The following TMEM117 variants were observed in gnomAD, a reference collection of about 807,000 sequenced individuals.
TMEM117 encodes transmembrane protein 117.
Under a neutral mutation model 52.4 loss-of-function variants are expected in TMEM117, and 27 were observed. The ratio of observed to expected loss-of-function variants is 0.51; its 90% CI spans 0.38 to 0.71. The LOEUF (loss-of-function observed/expected upper bound fraction) is 0.71, where lower values mean the gene tolerates loss of function less well. Among genes scored for constraint, TMEM117 ranks in the 30% least tolerant of loss-of-function variants. TMEM117 has a pLI of 0.00. For missense variants in TMEM117, 556 were observed against 630.5 expected, an observed-to-expected ratio of 0.88 and a Z score of 1.26; for synonymous variants, 215 against 206.3, an observed-to-expected ratio of 1.04 and a Z score of -0.36.
chr12:44,320,462 G>A (rs1361570096), intron 6 of TMEM117, among the ~76,000 whole-genome samples: 1 of 151,976 alleles, frequency 6.6e-6, no homozygotes, highest in African/African-American at 2.4e-5. Flanking sequence ...TCTATACAAG[G>A]CCTTTTATCA....
chr12:43,829,042 C>T, the TMEM117 span, among the ~76,000 whole-genome samples: 1 of 152,152 alleles, frequency 6.6e-6, no homozygotes, highest in Non-Finnish European at 1.5e-5. Context: ...CTGCCTCAGC[C>T]TCCTAAGTAG....
chr12:44,150,570 A>G (rs564838745), intron 4 of TMEM117, among the ~76,000 whole-genome samples: 65 of 152,342 alleles, frequency 4.3e-4, no homozygotes, highest in Non-Finnish European at 7.3e-4. Flanking sequence ...AGCAAAGAGC[A>G]TAAAAGGGAA....
chr12:44,166,990 A>C (rs1459139482), intron 4 of TMEM117, among the ~76,000 whole-genome samples: 2 of 152,176 alleles, frequency 1.3e-5, no homozygotes, highest in Admixed American at 1.3e-4. Context: ...TTTTGCAATA[A>C]TTTGTCAAAT....
At chr12:44,243,078 C>T (rs1253239284) in intron 5 of TMEM117, among the ~76,000 whole-genome samples, 1 of 151,840 alleles carries the variant, frequency 6.6e-6, no homozygotes, top group African/African-American at 2.4e-5. Context: ...TGTTCATGTC[C>T]TTTGCCCACT....
chr12:43,900,902 A>G (rs535929309), intron 2 of TMEM117, among the ~76,000 whole-genome samples: 17 of 152,180 alleles, frequency 1.1e-4, no homozygotes, highest in Non-Finnish European at 2.2e-4. Context: ...AAAATCACCT[A>G]CTATTCGAAG....
intron 3 of TMEM117, among the ~76,000 whole-genome samples, chr12:44,127,962 T>C (rs1948353738): frequency 6.6e-6 from 1 of 152,250 alleles, no homozygotes; most frequent in African/African-American, 2.4e-5. Context: ...TCTGTTTCTC[T>C]GGAGAACTCT....
At chr12:44,062,439 G>T (rs892929995) in intron 3 of TMEM117, among the ~76,000 whole-genome samples, 5 of 152,158 alleles carry the variant, frequency 3.3e-5, no homozygotes, top group Non-Finnish European at 7.4e-5. Context: ...ATATAGATGT[G>T]CATACCGTCT....
rs78688551 is a variant in TMEM117 at position 43,964,728 on chromosome 12, A to C, written c.410+20386A>C. On this transcript the variant is annotated intron_variant, in intron 3 of 7. Transcript: ENST00000266534. ...TTAGACATTGGACTGACTGGTGGCT[A>C]CTACGCTCTGGTTGGGTTCTTATCT... Among the ~76,000 whole-genome samples the C allele has an allele frequency of 5.2e-3, 795 of 152,346 alleles. 4 individuals are homozygous for C. Among genetic ancestry groups the C allele is most frequent in the Middle Eastern group, 0.017 (5 of 294 alleles).
intron 3 of TMEM117, among the ~76,000 whole-genome samples, chr12:44,082,709 C>T (rs982591678): frequency 6.6e-6 from 1 of 151,992 alleles, no homozygotes; most frequent in African/African-American, 2.4e-5. Context: ...ATTCATGCAA[C>T]ATGAAAGTAT....
At chr12:44,129,748 T>G (rs1008436646) in intron 3 of TMEM117, among the ~76,000 whole-genome samples, 1 of 152,172 alleles carries the variant, frequency 6.6e-6, no homozygotes, top group Non-Finnish European at 1.5e-5. Context: ...CCAAGAAGCT[T>G]AGTCAGTTAG....
At chr12:44,369,196 T>C (rs775158709) in intron 6 of TMEM117, among the ~76,000 whole-genome samples, 12 of 152,218 alleles carry the variant, frequency 7.9e-5, no homozygotes, top group Admixed American at 6.5e-4. Context: ...GACTGACTTA[T>C]ATTTTGTCCT....
chr12:43,866,817 G>A (rs1347449789), intron 2 of TMEM117, among the ~76,000 whole-genome samples: 8 of 152,142 alleles, frequency 5.3e-5, no homozygotes, highest in African/African-American at 7.2e-5. Flanking sequence ...TTAGGTTGGC[G>A]CGGTGGCTTA....
intron 3 of TMEM117, among the ~76,000 whole-genome samples, chr12:44,029,793 C>T (rs914836042): frequency 6.6e-6 from 1 of 152,170 alleles, no homozygotes; most frequent in Non-Finnish European, 1.5e-5. Flanking sequence ...GCTTAGGACA[C>T]CTGTAAGCCC....
At chr12:44,161,132 T>G (rs1046462532) in intron 4 of TMEM117, among the ~76,000 whole-genome samples, 1 of 152,186 alleles carries the variant, frequency 6.6e-6, no homozygotes, top group African/African-American at 2.4e-5. Context: ...GACATCAAAA[T>G]ACATATTTCT....
intron 4 of TMEM117, among the ~76,000 whole-genome samples, chr12:44,155,994 A>G (rs780440179): frequency 3.4e-4 from 52 of 152,182 alleles, no homozygotes; most frequent in Admixed American, 7.9e-4. Flanking sequence ...TCTGTCCACT[A>G]AAATTCAGGG....
At chr12:43,864,119 C>G (rs1213955898) in intron 2 of TMEM117, among the ~76,000 whole-genome samples, 2 of 152,192 alleles carry the variant, frequency 1.3e-5, no homozygotes, top group Non-Finnish European at 2.9e-5. Flanking sequence ...GGGGCTTTAG[C>G]TGCCTCCCTG....
chr12:44,325,579 T>C (rs1951184193), intron 6 of TMEM117, among the ~76,000 whole-genome samples: 1 of 151,904 alleles, frequency 6.6e-6, no homozygotes, highest in Non-Finnish European at 1.5e-5. Context: ...AATTTTATCT[T>C]AGGATGGTTA....
At chr12:44,100,679 A>T (rs1199016310) in intron 3 of TMEM117, among the ~76,000 whole-genome samples, 2 of 151,948 alleles carry the variant, frequency 1.3e-5, no homozygotes, top group Admixed American at 1.3e-4. Flanking sequence ...CTTGTTTCTC[A>T]TCATCACCAT....
At position 43,859,199 on chromosome 12, in the gene TMEM117, C is replaced by T. The variant is rs115211223; in HGVS notation, c.277+14271C>T. On this transcript the variant is annotated intron_variant, in intron 2 of 7. Transcript: ENST00000266534. Reference sequence around the variant, plus strand: ...TCCTGTGTGTGAACCTGAGCTTTGCCATTACAACTCCAGCGGAATTCTGTT... The same window carrying T: ...TCCTGTGTGTGAACCTGAGCTTTGCTATTACAACTCCAGCGGAATTCTGTT... Among the ~76,000 whole-genome samples, 497 of 152,272 alleles carry T rather than the reference C, an allele frequency of 3.3e-3. 4 individuals are homozygous for T. Among genetic ancestry groups the T allele is most frequent in the African/African-American group, 0.011 (468 of 41,536 alleles).
Sources: gnomAD v4.1 joint callset for allele counts (sites outside exome capture counted in the v4.1 genomes callset) on GRCh38, gnomAD v4.1.1 for gene constraint, MANE v1.5 for transcripts, NCBI Gene and HGNC (gene_info 2026-07-23, HGNC 2026-07-21) for gene names.